DERA: variants seen among roughly 807,000 people sequenced by gnomAD.
DERA encodes the protein 2-deoxy-D-ribose 5-phosphate aldolase.
A neutral mutation model predicts 41.1 loss-of-function variants in DERA; 15 were observed. The ratio of observed to expected loss-of-function variants is 0.37; its 90% CI spans 0.24 to 0.56. The LOEUF is 0.56. DERA is among the 20% of genes least tolerant of loss of function. The pLI is 0.81. For synonymous variants in DERA, 139 were observed against 137.4 expected (o/e 1.01, Z -0.08); for missense variants, 396 against 403.4 (o/e 0.98, Z 0.16).
intron 1 of DERA, among the ~76,000 whole-genome samples, chr12:15,939,797 A>G (rs1332929102): frequency 6.6e-6 from 1 of 152,224 alleles, no homozygotes; most frequent in African/African-American, 2.4e-5. Context: ...GAGAATCAGC[A>G]GAGAGAGTGT....
At chr12:15,945,678 A>G (rs938588644) in intron 1 of DERA, among the ~76,000 whole-genome samples, 3 of 152,206 alleles carry the variant, frequency 2.0e-5, no homozygotes, top group Non-Finnish European at 4.4e-5. Flanking sequence ...GCAAACAGGT[A>G]CAATTTGACT....
In DERA at chr12:15,967,780, A is replaced by G. The variant is rs757764570; in HGVS notation, c.508+4833A>G. Among the ~76,000 whole-genome samples, 10 of 152,208 alleles carry G rather than the reference A, an allele frequency of 6.6e-5. No individual in the cohort carries two copies. Among genetic ancestry groups the G allele is most frequent in the Admixed American group, 1.3e-4 (2 of 15,286 alleles). On this transcript the variant is annotated intron_variant, in intron 5 of 8. Coordinates refer to ENST00000428559, the MANE Select transcript of DERA (RefSeq NM_015954.4). The surrounding 1 kb of genome is among the most constrained non-coding windows in gnomAD (Gnocchi z 4.9). ...TTCTGTCACTCCTGTCTAGCTGGAC[A>G]TGGAAACGTGGATAACTACATTTCT...
intron 1 of DERA, among the ~76,000 whole-genome samples, chr12:15,949,444 C>G (rs1948478950): frequency 7.4e-6 from 1 of 134,614 alleles, no homozygotes; most frequent in Non-Finnish European, 1.6e-5. Context: ...AGTTTGATCT[C>G]AGACTGCTGT....
At chr12:16,002,680 C>T (rs559784107) in intron 6 of DERA, among the ~76,000 whole-genome samples, 1 of 152,136 alleles carries the variant, frequency 6.6e-6, no homozygotes, top group African/African-American at 2.4e-5. Context: ...CCATGCTGTA[C>T]ATCCTCTTCT....
rs540407444 is a variant in DERA, at chr12:15,928,446, A to G, written c.31+17032A>G. On this transcript the variant is annotated intron_variant, in intron 1 of 8. Transcript: ENST00000428559. The surrounding 1 kb of genome is among the most constrained non-coding windows in gnomAD (Gnocchi z 4.6). ...TACTTTAAATTTCAACTCTTTCTGTATTTGCATTTTGGACTATATGGTGGA... is the reference window on the plus strand; with the variant it reads ...TACTTTAAATTTCAACTCTTTCTGTGTTTGCATTTTGGACTATATGGTGGA... 6.6e-6 allele frequency among the ~76,000 whole-genome samples: 1 copy of G among 152,200 alleles called. No individual in the cohort carries two copies. The highest frequency in any genetic ancestry group is 1.5e-5 in the Non-Finnish European group (1 of 68,020).
At position 16,001,822 on chromosome 12, in the gene DERA, G is replaced by A. The variant is rs757084178; in HGVS notation, c.637+19386G>A. 2.6e-5 allele frequency among the ~76,000 whole-genome samples: 4 copies of A among 152,146 alleles called. No individual in the cohort carries two copies. Among genetic ancestry groups the A allele is most frequent in the Admixed American group, 6.5e-5 (1 of 15,284 alleles). On this transcript the variant is annotated intron_variant, in intron 6 of 8. Coordinates refer to ENST00000428559, the MANE Select transcript of DERA (RefSeq NM_015954.4). The surrounding 1 kb of genome is among the most constrained non-coding windows in gnomAD (Gnocchi z 4.1). Reference sequence around the variant, plus strand: ...AGTGGCAGGCACACTAGACGAAGCAGCATTTTGCTGGAGACTTTGTTGAGA... The same window carrying A: ...AGTGGCAGGCACACTAGACGAAGCAACATTTTGCTGGAGACTTTGTTGAGA...
intron 5 of DERA, among the ~76,000 whole-genome samples, chr12:15,969,120 G>A (rs1421641754): frequency 6.6e-6 from 1 of 152,200 alleles, no homozygotes; most frequent in Non-Finnish European, 1.5e-5. Context: ...TAATGGTGGT[G>A]TTGAAGTTGA....
rs545988310 is a variant in DERA, at chr12:16,014,715, C to G, written c.638-17827C>G. Among the ~76,000 whole-genome samples, 3 of 152,324 alleles carry G rather than the reference C, an allele frequency of 2.0e-5. No homozygotes were observed. Among genetic ancestry groups the G allele is most frequent in the African/African-American group, 7.2e-5 (3 of 41,584 alleles). The stretch of plus-strand genomic sequence containing the variant: ...GAGCTGTGAGAAGAGGGCAACCGTC[C>G]TCCAGACCCCAGAATGGTAGATCCA... On this transcript the variant is annotated intron_variant, in intron 6 of 8. Coordinates refer to ENST00000428559, the MANE Select transcript of DERA (RefSeq NM_015954.4). This position sits in a 1 kb window ranked among gnomAD's most constrained non-coding sequence, Gnocchi z 5.4.
intron 1 of DERA, among the ~76,000 whole-genome samples, chr12:15,955,907 A>G (rs1262359500): frequency 6.6e-6 from 1 of 152,230 alleles, no homozygotes; most frequent in Non-Finnish European, 1.5e-5. Context: ...TACTCTTTTA[A>G]GGCTCTTTTA....
chr12:16,027,318 C>T (rs143836492), intron 6 of DERA, among the ~76,000 whole-genome samples: 7 of 152,276 alleles, frequency 4.6e-5, no homozygotes, highest in Non-Finnish European at 1.0e-4. Flanking sequence ...AAAATGTGTA[C>T]AGGTCAAGAA....
chr12:16,011,652 G>C lies in DERA; in HGVS notation c.638-20890G>C, dbSNP rs965239145. 6.6e-6 allele frequency among the ~76,000 whole-genome samples: 1 copy of C among 152,106 alleles called. No homozygotes were observed. ...TGACTTTAAAACTAATCAATGAAAGGCATTTGCCTAACATAGCAAATCCCT... is the reference window on the plus strand; with the variant it reads ...TGACTTTAAAACTAATCAATGAAAGCCATTTGCCTAACATAGCAAATCCCT... On this transcript the variant is annotated intron_variant, in intron 6 of 8. Coordinates refer to ENST00000428559, the MANE Select transcript of DERA (RefSeq NM_015954.4). The surrounding 1 kb of genome is among the most constrained non-coding windows in gnomAD (Gnocchi z 4.7).
chr12:16,022,943 G>T (rs1016622161), intron 6 of DERA, among the ~76,000 whole-genome samples: 1 of 152,156 alleles, frequency 6.6e-6, no homozygotes, highest in African/African-American at 2.4e-5. Flanking sequence ...GATAATCATT[G>T]TGCAATATGC....
rs1041499077 is a variant in DERA, at chr12:15,984,855, A to T, written c.637+2419A>T. The stretch of plus-strand genomic sequence containing the variant: ...TGATGAACTTGAAATATTTTGAAAT[A>T]TTTTTTATATTCTTGTCCCAATTTT... On this transcript the variant is annotated intron_variant, in intron 6 of 8. Coordinates refer to ENST00000428559, the MANE Select transcript of DERA (RefSeq NM_015954.4). This position sits in a 1 kb window ranked among gnomAD's most constrained non-coding sequence, Gnocchi z 4.5. Among the ~76,000 whole-genome samples the T allele has an allele frequency of 6.6e-6, 1 of 152,228 alleles. No individual in the cohort carries two copies. The highest frequency in any genetic ancestry group is 6.5e-5 in the Admixed American group (1 of 15,276).
chr12:16,025,967 T>C (rs1949050389), intron 6 of DERA, among the ~76,000 whole-genome samples: 1 of 151,948 alleles, frequency 6.6e-6, no homozygotes, highest in East Asian at 1.9e-4. Context: ...GTCAAATAAG[T>C]CTCAAGAGAA....
chr12:16,012,851 T>C lies in DERA; in HGVS notation c.638-19691T>C, dbSNP rs907536080. Among the ~76,000 whole-genome samples, 2 of 152,200 alleles carry C rather than the reference T, an allele frequency of 1.3e-5. No homozygotes were observed. The highest frequency in any genetic ancestry group is 4.8e-5 in the African/African-American group (2 of 41,450). On this transcript the variant is annotated intron_variant, in intron 6 of 8. Coordinates refer to ENST00000428559, the MANE Select transcript of DERA (RefSeq NM_015954.4). This position sits in a 1 kb window ranked among gnomAD's most constrained non-coding sequence, Gnocchi z 4.1. ...AGAAACAGGTGAAACAGTAATTATA[T>C]TTTATTTAATAAATCTGCAATATAT...
At position 16,004,775 on chromosome 12, in the gene DERA, A is replaced by C. The variant is rs1307549099; in HGVS notation, c.637+22339A>C. On this transcript the variant is annotated intron_variant, in intron 6 of 8. Transcript: ENST00000428559. The surrounding 1 kb of genome is among the most constrained non-coding windows in gnomAD (Gnocchi z 4.2). The stretch of plus-strand genomic sequence containing the variant: ...TTAAATGTTTTTAAAAATTTAAAAA[A>C]ATCCTACTAAAAACTAGGAGATACC... 1.3e-5 allele frequency among the ~76,000 whole-genome samples: 2 copies of C among 152,206 alleles called. No individual in the cohort carries two copies. Among genetic ancestry groups the C allele is most frequent in the African/African-American group, 4.8e-5 (2 of 41,454 alleles).
chr12:15,977,581 A>AG (rs1948706308), intron 5 of DERA, among the ~76,000 whole-genome samples: 2 of 152,100 alleles, frequency 1.3e-5, no homozygotes, highest in Admixed American at 6.5e-5. Flanking sequence ...GCCTCCAGAG[A>AG]GTAGCTGGGA....
At position 15,959,778 on chromosome 12, in the gene DERA, G is replaced by T. The variant is rs1948568939; in HGVS notation, c.278-51G>T. 5 of 1,259,620 alleles carry T rather than the reference G, an allele frequency of 4.0e-6. No individual in the cohort carries two copies. The highest frequency in any genetic ancestry group is 1.5e-5 in the African/African-American group (1 of 67,422). 78.0% of individuals were successfully genotyped at this position (1,259,620 alleles called of 1,614,324 possible). ...TATAAATAATAATTAAAAGCATGTT[G>T]TATGAGTTGAACTTCATTGAAAGTT... On this transcript the variant is annotated intron_variant, in intron 3 of 8. Coordinates refer to ENST00000428559, the MANE Select transcript of DERA (RefSeq NM_015954.4). The surrounding 1 kb of genome is among the most constrained non-coding windows in gnomAD (Gnocchi z 4.5).
Position 16,037,007 on chromosome 12 carries a change from G to T in DERA, c.*261G>T. On this transcript the variant is annotated 3_prime_UTR_variant, in exon 9 of 9. Transcript: ENST00000428559. The surrounding 1 kb of genome is among the most constrained non-coding windows in gnomAD (Gnocchi z 6.7). ...GAAGAGTTTCTCCTAAAAACTTTAAGTAAAATGTTAATGGTAGCTTTGATA... is the reference window on the plus strand; with the variant it reads ...GAAGAGTTTCTCCTAAAAACTTTAATTAAAATGTTAATGGTAGCTTTGATA... 2.6e-6 allele frequency: 1 copy of T among 390,442 alleles called. No homozygotes were observed. The highest frequency in any genetic ancestry group is 4.5e-5 in the Admixed American group (1 of 22,256). The allele number at this position is 390,442 out of a possible 1,614,324, so 24.2% of individuals were successfully genotyped here.
Sources: allele counts gnomAD v4.1 joint callset (sites outside exome capture counted in the v4.1 genomes callset), GRCh38; gene constraint gnomAD v4.1.1; non-coding constraint Gnocchi (gnomAD v3.1); transcripts MANE v1.5; gene names NCBI Gene and HGNC (gene_info 2026-07-23, HGNC 2026-07-21).